SHANK2: variants seen among roughly 807,000 people sequenced by gnomAD.
SHANK2 encodes the protein SH3 and multiple ankyrin repeat domains protein 2.
Under a neutral mutation model 133.7 loss-of-function variants are expected in SHANK2, and 43 were observed. That is an observed-to-expected ratio of 0.32 (90% CI 0.25 to 0.41). The LOEUF is 0.41. Among genes scored for constraint, SHANK2 ranks in the 10% least tolerant of loss-of-function variants. The probability of loss-of-function intolerance (pLI) is 1.00; values close to 1 mark genes in which losing one functional copy is unlikely to be tolerated. For synonymous variants in SHANK2, 1,017 were observed against 952.8 expected (o/e 1.07, Z -1.24); for missense variants, 1,994 against 2,235.8 (o/e 0.89, Z 2.18).
Position 70,798,564 on chromosome 11 carries a change from C to G in SHANK2, c.1664-8G>C, listed in dbSNP as rs782583508. 1.4e-6 allele frequency: 1 copy of G among 718,188 alleles called. No individual in the cohort carries two copies. Among genetic ancestry groups the G allele is most frequent in the East Asian group, 2.7e-5 (1 of 37,290 alleles). The allele number at this position is 718,188 out of a possible 1,614,324, so 44.5% of individuals were successfully genotyped here. Reference sequence around the variant, plus strand: ...CTTCACCGATGCTCAGAACTAGAGACGACAAAAAGGGAGAGGTGTTAGCAG... The same window carrying G: ...CTTCACCGATGCTCAGAACTAGAGAGGACAAAAAGGGAGAGGTGTTAGCAG... On this transcript the variant is annotated splice_polypyrimidine_tract_variant and splice_region_variant and intron_variant, in intron 13 of 25. Coordinates refer to ENST00000601538, the MANE Select transcript of SHANK2 (RefSeq NM_012309.5).
chr11:70,659,768 CCTCTCCCCGAGAGTCGGCG>C (rs1555012695), intron 17 of SHANK2, 41 bp downstream of exon 17: 4 of 1,607,212 alleles, frequency 2.5e-6, no homozygotes, highest in East Asian at 2.2e-5. Flanking sequence ...GGACTACGAC[CCTCTCCCCGAGAGTCGGCG>C]CTCTCCCCAA....
intron 17 of SHANK2, among the ~76,000 whole-genome samples, chr11:70,562,196 A>T (rs1430891987): frequency 6.6e-6 from 1 of 152,178 alleles, no homozygotes; most frequent in Non-Finnish European, 1.5e-5. Context: ...ATTTATTGAG[A>T]CTTGTTTTAT....
At chr11:71,242,509 G>A (rs1954908175) in intron 1 of SHANK2, among the ~76,000 whole-genome samples, 1 of 152,168 alleles carries the variant, frequency 6.6e-6, no homozygotes, top group South Asian at 2.1e-4. Flanking sequence ...GTTTGCTCAA[G>A]GACCGCTACC....
At chr11:70,641,843 C>T (rs1364475502) in intron 17 of SHANK2, among the ~76,000 whole-genome samples, 1 of 152,198 alleles carries the variant, frequency 6.6e-6, no homozygotes, top group East Asian at 1.9e-4. Flanking sequence ...CAAAGCACAC[C>T]CGAGATCCCT....
intron 10 of SHANK2, among the ~76,000 whole-genome samples, chr11:70,917,163 A>G (rs573280090): frequency 3.3e-5 from 5 of 152,334 alleles, no homozygotes; most frequent in African/African-American, 9.6e-5. Context: ...TTAAGGATGC[A>G]AGAAAAAAAC....
intron 14 of SHANK2, among the ~76,000 whole-genome samples, chr11:70,724,606 G>C (rs1239802923): frequency 6.6e-6 from 1 of 152,182 alleles, no homozygotes; most frequent in Non-Finnish European, 1.5e-5. Context: ...ATCCAATTTA[G>C]AGGATGCAAG....
At chr11:70,520,090 T>C (rs1354095678) in intron 17 of SHANK2, among the ~76,000 whole-genome samples, 3 of 152,132 alleles carry the variant, frequency 2.0e-5, no homozygotes, top group African/African-American at 7.2e-5. Context: ...AGAATAGTTT[T>C]AGATTTACAA....
At chr11:71,217,254 C>T (rs1163301964) in intron 2 of SHANK2, among the ~76,000 whole-genome samples, 8 of 151,608 alleles carry the variant, frequency 5.3e-5, no homozygotes, top group Non-Finnish European at 1.2e-4. Flanking sequence ...GCCTGTAATC[C>T]CAGCACTTCG....
intron 11 of SHANK2, among the ~76,000 whole-genome samples, chr11:70,854,445 A>G (rs1244500746): frequency 6.6e-6 from 1 of 152,264 alleles, no homozygotes; most frequent in South Asian, 2.1e-4. Flanking sequence ...GAGCAACAGG[A>G]AAGTGAAGTG....
At chr11:71,194,710 T>C (rs1555115933) in intron 2 of SHANK2, among the ~76,000 whole-genome samples, 1 of 152,152 alleles carries the variant, frequency 6.6e-6, no homozygotes, top group East Asian at 1.9e-4. Context: ...AACCAGACCA[T>C]TAAAGTGAGC....
intron 14 of SHANK2, among the ~76,000 whole-genome samples, chr11:70,706,657 C>T (rs1207273713): frequency 2.0e-5 from 3 of 151,810 alleles, no homozygotes; most frequent in Admixed American, 6.6e-5. Context: ...AGAGGGCCAT[C>T]GGTCCAGACA....
intron 10 of SHANK2, among the ~76,000 whole-genome samples, chr11:70,927,153 A>T (rs1950440376): frequency 6.6e-6 from 1 of 152,200 alleles, no homozygotes; most frequent in African/African-American, 2.4e-5. Context: ...TAGAGTAATA[A>T]GAAGTAGACT....
At chr11:70,770,513 A>C (rs868921283) in intron 14 of SHANK2, among the ~76,000 whole-genome samples, 4 of 152,234 alleles carry the variant, frequency 2.6e-5, no homozygotes, top group African/African-American at 9.6e-5. Flanking sequence ...GGAGCGGCCA[A>C]TGAGCCGGGG....
intron 2 of SHANK2, among the ~76,000 whole-genome samples, chr11:71,199,029 A>T (rs1197880263): frequency 1.3e-5 from 2 of 152,154 alleles, no homozygotes; most frequent in Non-Finnish European, 2.9e-5. Context: ...GGCGTATTCA[A>T]TGATGTGGCC....
rs1303575912 is a variant in SHANK2, at chr11:70,816,237, AG to A, written c.1493+4126del. The stretch of plus-strand genomic sequence containing the variant: ...CACTCGGGAGGGGGTGAAAGTCATC[AG>A]CCCCACTTTACACAGGAGAAAACAG... On this transcript the variant is annotated intron_variant, in intron 12 of 25. Transcript: ENST00000601538. Among the ~76,000 whole-genome samples the A allele has an allele frequency of 2.0e-5, 3 of 152,368 alleles. No homozygotes were observed. The East Asian group carries it at 5.8e-4, about 29-fold the overall frequency.
intron 10 of SHANK2, chr11:70,942,449 A>G (rs993471239): frequency 4.6e-6 from 2 of 435,238 alleles, no homozygotes; most frequent in East Asian, 7.0e-5. Flanking sequence ...CTCACTCACT[A>G]CTAGAGAACA....
At chr11:70,528,348 G>C (rs1244754183) in intron 17 of SHANK2, among the ~76,000 whole-genome samples, 1 of 152,170 alleles carries the variant, frequency 6.6e-6, no homozygotes, top group Non-Finnish European at 1.5e-5. Flanking sequence ...GGGCTGACGC[G>C]AGGCTCCTTG....
rs1340574955 is a variant in SHANK2 at position 70,758,076 on chromosome 11, C to A, written c.1777+40367G>T. On this transcript the variant is annotated intron_variant, in intron 14 of 25. Coordinates refer to ENST00000601538, the MANE Select transcript of SHANK2 (RefSeq NM_012309.5). ...CGGGGCTTGCAACTTAGCTGACACC[C>A]AACCAATCAGATAGTAAAGAGAGCT... Among the ~76,000 whole-genome samples the A allele has an allele frequency of 2.0e-5, 3 of 152,172 alleles. No individual in the cohort carries two copies. The East Asian group carries it at 5.8e-4, about 29-fold the overall frequency.
At chr11:71,116,358 T>C (rs1951978233) in intron 4 of SHANK2, among the ~76,000 whole-genome samples, 1 of 152,254 alleles carries the variant, frequency 6.6e-6, no homozygotes, top group Non-Finnish European at 1.5e-5. Flanking sequence ...TTCTCTTAAC[T>C]GACGTAACCC....
Sources: allele counts gnomAD v4.1 joint callset (sites outside exome capture counted in the v4.1 genomes callset), GRCh38; gene constraint gnomAD v4.1.1; transcripts MANE v1.5; gene names NCBI Gene and HGNC (gene_info 2026-07-23, HGNC 2026-07-21).